The following ALPK2 variants were observed in gnomAD, a reference collection of about 807,000 sequenced individuals.
ALPK2 encodes alpha kinase 2.
In ALPK2, 127 loss-of-function variants were observed where a neutral mutation model predicts 163.1. That is an observed-to-expected ratio of 0.78 (90% CI 0.67 to 0.90). The LOEUF is 0.90. Among genes scored for constraint, ALPK2 ranks in the 40% least tolerant of loss-of-function variants. The pLI is 0.00. For synonymous variants in ALPK2, 953 were observed against 959.1 expected, an observed-to-expected ratio of 0.99 and a Z score of 0.12; for missense variants, 2,360 against 2,589.6, an observed-to-expected ratio of 0.91 and a Z score of 1.92.
At position 58,574,319 on chromosome 18, in the gene ALPK2, C is replaced by T. The variant is rs377459753; in HGVS notation, c.1962+4495G>A. 1.2e-3 allele frequency among the ~76,000 whole-genome samples: 184 copies of T among 150,072 alleles called. 1 individual carries two copies. Among genetic ancestry groups the T allele is most frequent in the African/African-American group, 3.9e-3 (158 of 40,850 alleles). On this transcript the variant is annotated intron_variant, in intron 4 of 12. Coordinates refer to ENST00000361673, the MANE Select transcript of ALPK2 (RefSeq NM_052947.4). ...CAAAAATCAGCCGGGTGTGGTGGGG[C>T]GCACCTGTAATCCCAGCTACTCAGG...
chr18:58,600,979 A>AG (rs1484536693), intron 3 of ALPK2, among the ~76,000 whole-genome samples: 4 of 152,188 alleles, frequency 2.6e-5, no homozygotes, highest in African/African-American at 9.6e-5. Flanking sequence ...GAACAGGCCA[A>AG]GAGTGGCAGC....
At chr18:58,489,761 C>T (rs2051362871) in intron 12 of ALPK2, among the ~76,000 whole-genome samples, 1 of 151,936 alleles carries the variant, frequency 6.6e-6, no homozygotes, top group East Asian at 1.9e-4. Flanking sequence ...CTTTAAAGAC[C>T]ATATGAAGTC....
At position 58,535,786 on chromosome 18, in the gene ALPK2, G is replaced by C. The variant is rs756764124; in HGVS notation, c.4401C>G (p.Ile1467Met). 6.2e-7 allele frequency: 1 copy of C among 1,614,216 alleles called. No homozygotes were observed. The highest frequency in any genetic ancestry group is 1.1e-5 in the South Asian group (1 of 91,080). Residue 1467 changes from isoleucine (I) to methionine (M), a missense_variant, in exon 5 of 13, where the codon ATC becomes ATG. Ile to Met is a conservative substitution (Grantham distance 10). Transcript: ENST00000361673. ...LQGTILSENR[I>M]SRSQEGSMKQ... is the part of the protein sequence containing the mutation. The stretch of plus-strand genomic sequence containing the variant: ...TCATACTGCCTTCTTGGCTTCTGCT[G>C]ATTCTATTTTCACTCAGAATGGTTC...
chr18:58,607,331 T>C lies in ALPK2; in HGVS notation c.218A>G (p.His73Arg). 2 of 1,609,058 alleles carry C rather than the reference T, an allele frequency of 1.2e-6. No homozygotes were observed. The highest frequency in any genetic ancestry group is 1.7e-6 in the Non-Finnish European group (2 of 1,176,658). Residue 73 changes from histidine (H) to arginine (R), a missense_variant, in exon 3 of 13, where the codon CAT (histidine) becomes CGT (arginine). Physicochemically the swap from His to Arg is conservative, Grantham distance 29 (BLOSUM62 0). Transcript: ENST00000361673. ...GGGTATAGCCACTTACCAAGAGAGA[T>C]GTAACACATGAATATACTGATTCTC... is the stretch of plus-strand genomic sequence containing the variant. ...FFENQYIHVL[H>R]LSCCTKNDAA...
intron 5 of ALPK2, 48 bp from the exon 6 acceptor site, chr18:58,529,286 T>C (rs1404352870): frequency 1.3e-6 from 2 of 1,520,960 alleles, no homozygotes; most frequent in African/African-American, 2.8e-5. Context: ...ACTTTCCCAT[T>C]TCATACCATT....
At chr18:58,604,487 C>G (rs1283877578) in intron 3 of ALPK2, among the ~76,000 whole-genome samples, 2 of 152,102 alleles carry the variant, frequency 1.3e-5, no homozygotes, top group African/African-American at 4.8e-5. Flanking sequence ...ATTGGTCAAG[C>G]GCGAAGCCCA....
intron 3 of ALPK2, among the ~76,000 whole-genome samples, chr18:58,602,448 G>A (rs541994187): frequency 1.3e-5 from 2 of 152,312 alleles, no homozygotes; most frequent in East Asian, 3.9e-4. Context: ...AAAGGTTCCA[G>A]GGAAGACTCT....
chr18:58,541,017 A>G (rs531759501), intron 4 of ALPK2, among the ~76,000 whole-genome samples: 4 of 152,388 alleles, frequency 2.6e-5, no homozygotes, highest in East Asian at 1.9e-4. Flanking sequence ...ATAGATCATC[A>G]TAGTATCATG....
intron 11 of ALPK2, among the ~76,000 whole-genome samples, chr18:58,500,191 A>T (rs1489681314): frequency 6.6e-6 from 1 of 151,768 alleles, no homozygotes; most frequent in Non-Finnish European, 1.5e-5. Flanking sequence ...TAACTCAAAC[A>T]TATGTAGAAA....
intron 10 of ALPK2, among the ~76,000 whole-genome samples, chr18:58,509,488 A>G (rs879657112): frequency 3.3e-5 from 5 of 152,250 alleles, no homozygotes; most frequent in Middle Eastern, 3.4e-3. Context: ...GAACTAGTTT[A>G]TAGTCCCACC....
rs143401390 is a variant in ALPK2, at chr18:58,485,709, G to C, written c.6297-3670C>G. ...AAATGTCAGCTTGTCAGTGTTTCCT[G>C]TATGCCTGAGCGCTCTCTCCCTGGT... On this transcript the variant is annotated intron_variant, in intron 12 of 12. Transcript: ENST00000361673. 4.3e-4 allele frequency among the ~76,000 whole-genome samples: 65 copies of C among 152,324 alleles called. 1 individual carries two copies. Among genetic ancestry groups the C allele is most frequent in the African/African-American group, 1.5e-3 (62 of 41,564 alleles).
rs140972067 is a variant in ALPK2 at position 58,580,180 on chromosome 18, G to A, written c.596C>T (p.Thr199Ile). 2 of 1,614,212 alleles carry A rather than the reference G, an allele frequency of 1.2e-6. No homozygotes were observed. The highest frequency in any genetic ancestry group is 1.7e-6 in the Non-Finnish European group (2 of 1,180,044). The change falls in exon 4 of 13, where the codon ACT becomes ATT. Residue 199 changes from threonine (T) to isoleucine (I), a missense_variant. Thr to Ile is a moderately conservative substitution (Grantham distance 89). Transcript: ENST00000361673. ...GTTACTTGGATCATAAGCCTCTCCA[G>A]TGTGCCTTGTTCCTTTAACACCCAA... ...NPLGVKGTRH[T>I]GEAYDPSNTE... is the part of the protein sequence containing the mutation.
At chr18:58,570,870 A>G (rs1303408086) in intron 4 of ALPK2, among the ~76,000 whole-genome samples, 2 of 152,162 alleles carry the variant, frequency 1.3e-5, no homozygotes, top group African/African-American at 2.4e-5. Context: ...TCATCTGTTC[A>G]GTCCTACAGG....
chr18:58,550,996 C>G (rs2051756687), intron 4 of ALPK2, among the ~76,000 whole-genome samples: 1 of 151,962 alleles, frequency 6.6e-6, no homozygotes, highest in Non-Finnish European at 1.5e-5. Context: ...CATATACAAC[C>G]CCTTCCTCAT....
Position 58,537,307 on chromosome 18 carries a change from A to T in ALPK2, c.2880T>A (p.Gly960=), listed in dbSNP as rs1399941588. Reference sequence around the variant, plus strand: ...CGGCACTAGGACTGGGGCTCTTGTCACCTCCTTCTTTAAATTGCACTAAAG... The same window carrying T: ...CGGCACTAGGACTGGGGCTCTTGTCTCCTCCTTCTTTAAATTGCACTAAAG... ...NNPLVQFKEG[G]DKSPSPSAAD... Residue 960 remains glycine (G), a synonymous_variant, in exon 5 of 13, where the codon GGT becomes GGA. Coordinates refer to ENST00000361673, the MANE Select transcript of ALPK2 (RefSeq NM_052947.4). 5 of 1,613,820 alleles carry T rather than the reference A, an allele frequency of 3.1e-6. No individual in the cohort carries two copies. The African/African-American group carries it at 6.7e-5, about 22-fold the overall frequency.
chr18:58,486,743 C>A (rs1049297713), intron 12 of ALPK2, among the ~76,000 whole-genome samples: 4 of 152,238 alleles, frequency 2.6e-5, no homozygotes, highest in African/African-American at 9.6e-5. Context: ...GCCTCTGTCT[C>A]AGCCAGGATG....
At chr18:58,575,011 T>C (rs4940727) in intron 4 of ALPK2, among the ~76,000 whole-genome samples, 130,924 of 151,986 alleles carry the variant, frequency 0.86, 56,906 homozygotes, top group East Asian at 1. Context: ...GTCGGGAGTT[T>C]GAGACCAGCC....
At chr18:58,541,841 G>C (rs940926999) in intron 4 of ALPK2, among the ~76,000 whole-genome samples, 2 of 152,154 alleles carry the variant, frequency 1.3e-5, no homozygotes, top group South Asian at 4.1e-4. Flanking sequence ...TCAAGAGCAG[G>C]CTCCTCGGTT....
intron 3 of ALPK2, among the ~76,000 whole-genome samples, chr18:58,589,639 T>C (rs1304769034): frequency 6.6e-6 from 1 of 152,234 alleles, no homozygotes; most frequent in Non-Finnish European, 1.5e-5. Flanking sequence ...CATCATCATC[T>C]TCTTCATCCT....
Sources: allele counts gnomAD v4.1 joint callset (sites outside exome capture counted in the v4.1 genomes callset), GRCh38; gene constraint gnomAD v4.1.1; transcripts MANE v1.5; gene names NCBI Gene and HGNC (gene_info 2026-07-23, HGNC 2026-07-21).